KLHL3: variants seen among roughly 807,000 people sequenced by gnomAD.
The protein encoded by KLHL3 is kelch like family member 3.
A neutral mutation model predicts 70.5 loss-of-function variants in KLHL3; 19 were observed. The observed-to-expected ratio is 0.27, with a 90% CI of 0.19 to 0.40. The LOEUF is 0.40. Ranked by LOEUF, KLHL3 falls within the 10% of genes least tolerant of loss-of-function variation. The pLI is 1.00. For missense variants in KLHL3, 512 were observed against 771.1 expected, an observed-to-expected ratio of 0.66 and a Z score of 3.98; for synonymous variants, 258 against 290.3, an observed-to-expected ratio of 0.89 and a Z score of 1.13.
Position 137,621,806 on chromosome 5 carries a change from C to G in KLHL3, c.*292G>C. 5 of 489,916 alleles carry G rather than the reference C, an allele frequency of 1.0e-5. No individual in the cohort carries two copies. In the South Asian group the frequency reaches 1.5e-4, roughly 15 times the overall value. 30.3% of individuals were successfully genotyped at this position (489,916 alleles called of 1,614,324 possible). Reference sequence around the variant, plus strand: ...CACACACACACACACACACACACTCCAGGGTCTGTATTGTCCCTGTAGAAA... The same window carrying G: ...CACACACACACACACACACACACTCGAGGGTCTGTATTGTCCCTGTAGAAA... On this transcript the variant is annotated 3_prime_UTR_variant, in exon 15 of 15. Transcript: ENST00000309755.
chr5:137,635,072 A>AT (rs1300590212), intron 11 of KLHL3, among the ~76,000 whole-genome samples: 1 of 152,186 alleles, frequency 6.6e-6, no homozygotes, highest in Non-Finnish European at 1.5e-5. Context: ...TACTCAGTAG[A>AT]TTTTTTGGTC....
At chr5:137,659,168 T>C (rs891795349) in intron 7 of KLHL3, among the ~76,000 whole-genome samples, 1 of 152,206 alleles carries the variant, frequency 6.6e-6, no homozygotes, top group Non-Finnish European at 1.5e-5. Flanking sequence ...CAGCTAACAC[T>C]GATTGAATGT....
At position 137,692,404 on chromosome 5, in the gene KLHL3, C is replaced by T. The variant is rs1283148812; in HGVS notation, c.407G>A (p.Arg136Gln). 2.5e-6 allele frequency: 4 copies of T among 1,613,892 alleles called. No individual in the cohort carries two copies. In the Admixed American group the frequency reaches 5.0e-5, roughly 20 times the overall value. Reference sequence around the variant, plus strand: ...CTGCAGGAAGTCACAGCAGTTCTGCCGAACATCCATGAGCTGCAGCAAGCT... The same window carrying T: ...CTGCAGGAAGTCACAGCAGTTCTGCTGAACATCCATGAGCTGCAGCAAGCT... ...AASLLQLMDV[R>Q]QNCCDFLQSQ... The change falls in exon 5 of 15, where the codon CGG becomes CAG. Residue 136 changes from arginine (R) to glutamine (Q), a missense_variant. Physicochemically the swap from Arg to Gln is conservative, Grantham distance 43. Coordinates refer to ENST00000309755, the MANE Select transcript of KLHL3 (RefSeq NM_017415.3).
chr5:137,684,849 A>T (rs1580759289), intron 5 of KLHL3, among the ~76,000 whole-genome samples: 1 of 152,368 alleles, frequency 6.6e-6, no homozygotes, highest in East Asian at 1.9e-4. Context: ...CTGAGCAGTC[A>T]GCTTCTAAAT....
At chr5:137,646,859 T>C (rs1415870069) in intron 8 of KLHL3, among the ~76,000 whole-genome samples, 1 of 152,240 alleles carries the variant, frequency 6.6e-6, no homozygotes, top group African/African-American at 2.4e-5. Context: ...CACGTAGGAA[T>C]CACAAACTAA....
At chr5:137,651,234 CCT>C (rs1751193108) in intron 8 of KLHL3, among the ~76,000 whole-genome samples, 1 of 152,226 alleles carries the variant, frequency 6.6e-6, no homozygotes, top group Non-Finnish European at 1.5e-5. Flanking sequence ...TGCCATGGAA[CCT>C]ACAGTTGCGT....
At chr5:137,649,728 T>C (rs982958861) in intron 8 of KLHL3, among the ~76,000 whole-genome samples, 50 of 152,372 alleles carry the variant, frequency 3.3e-4, no homozygotes, top group African/African-American at 1.2e-3. Flanking sequence ...TAATTACAGT[T>C]ATGAAAATCC....
intron 6 of KLHL3, chr5:137,672,598 T>C (rs1331488152): frequency 6.6e-6 from 1 of 152,140 alleles, no homozygotes; most frequent in Non-Finnish European, 1.5e-5. Context: ...CACTCAGAGG[T>C]GTCTCTGAAA....
intron 3 of KLHL3, among the ~76,000 whole-genome samples, chr5:137,699,521 G>A (rs1490748475): frequency 1.3e-5 from 2 of 152,132 alleles, no homozygotes; most frequent in African/African-American, 2.4e-5. Context: ...CATGCAGGGA[G>A]AACAGCTGGA....
intron 8 of KLHL3, among the ~76,000 whole-genome samples, chr5:137,642,299 C>T (rs539300636): frequency 1.3e-5 from 2 of 152,348 alleles, no homozygotes; most frequent in African/African-American, 2.4e-5. Flanking sequence ...TTCCCTGACT[C>T]GAAACCTTCC....
chr5:137,643,342 G>A (rs1561588059), intron 8 of KLHL3, among the ~76,000 whole-genome samples: 1 of 139,022 alleles, frequency 7.2e-6, no homozygotes, highest in Non-Finnish European at 1.6e-5. Context: ...GCAACAGAGT[G>A]AGACCCTGTC....
In KLHL3 at chr5:137,646,887, AAC is replaced by A. The variant is rs1171777335; in HGVS notation, c.904-6912_904-6911del. 2.0e-5 allele frequency among the ~76,000 whole-genome samples: 3 copies of A among 152,254 alleles called. No individual in the cohort carries two copies. The East Asian group carries it at 5.8e-4, about 29-fold the overall frequency. ...CAAACTAAAGAACTGGCTCTAGGTGAACAATTATGCTAGACTGAACATAATTT... is the reference window on the plus strand; with the variant it reads ...CAAACTAAAGAACTGGCTCTAGGTGAAATTATGCTAGACTGAACATAATTT... On this transcript the variant is annotated intron_variant, in intron 8 of 14. Coordinates refer to ENST00000309755, the MANE Select transcript of KLHL3 (RefSeq NM_017415.3).
intron 8 of KLHL3, among the ~76,000 whole-genome samples, chr5:137,641,274 T>G (rs1245831216): frequency 6.6e-6 from 1 of 152,188 alleles, no homozygotes; most frequent in Admixed American, 6.5e-5. Context: ...TTGTCTTATT[T>G]ACCCAGTGGT....
chr5:137,684,861 C>T (rs191983031), intron 5 of KLHL3, among the ~76,000 whole-genome samples: 5 of 152,316 alleles, frequency 3.3e-5, no homozygotes, highest in South Asian at 2.1e-4. Context: ...CTTCTAAATG[C>T]GGGACCTACC....
intron 6 of KLHL3, among the ~76,000 whole-genome samples, chr5:137,666,869 G>A (rs571705271): frequency 2.2e-4 from 33 of 152,052 alleles, no homozygotes; most frequent in African/African-American, 7.2e-4. Context: ...CATAAACATC[G>A]CCTCCCCAAA....
intron 1 of KLHL3, chr5:137,720,830 G>A (rs1486974433): frequency 3.0e-6 from 4 of 1,324,872 alleles, no homozygotes; most frequent in Admixed American, 3.4e-5. Flanking sequence ...GATTTTGTGT[G>A]AGGTCCTTAT....
intron 13 of KLHL3, among the ~76,000 whole-genome samples, chr5:137,626,558 G>A (rs1750465938): frequency 6.6e-6 from 1 of 152,168 alleles, no homozygotes; most frequent in African/African-American, 2.4e-5. Flanking sequence ...AATATGTTGT[G>A]TATTTTTTCA....
intron 8 of KLHL3, 92 bp from the exon 9 acceptor site, chr5:137,640,069 G>T (rs187019914): frequency 8.5e-6 from 9 of 1,058,038 alleles, no homozygotes; most frequent in African/African-American, 4.7e-5. Flanking sequence ...CGCCCAGGGT[G>T]TGTGGATGAT....
intron 6 of KLHL3, among the ~76,000 whole-genome samples, chr5:137,662,553 C>A (rs1042497678): frequency 7.9e-5 from 12 of 152,128 alleles, no homozygotes; most frequent in African/African-American, 2.7e-4. Flanking sequence ...CAATGTGACA[C>A]TGAATGACAA....
Sources: allele counts gnomAD v4.1 joint callset (sites outside exome capture counted in the v4.1 genomes callset), GRCh38; gene constraint gnomAD v4.1.1; transcripts MANE v1.5; gene names NCBI Gene and HGNC (gene_info 2026-07-23, HGNC 2026-07-21).